The following SORL1-AS1 variants were observed in gnomAD, a reference collection of about 807,000 sequenced individuals.
SORL1-AS1 encodes lncRNA 51 A.
the SORL1-AS1 span, among the ~76,000 whole-genome samples, chr11:121,438,238 C>G: frequency 6.6e-6 from 1 of 152,142 alleles, no homozygotes; most frequent in African/African-American, 2.4e-5. Flanking sequence ...ATTAGTCTAG[C>G]TTAAATACTT....
chr11:121,451,672 T>A (rs2134755318), intron 1 of SORL1-AS1, among the ~76,000 whole-genome samples: 1 of 152,312 alleles, frequency 6.6e-6, no homozygotes, highest in African/African-American at 2.4e-5. Flanking sequence ...TGATCAAGGG[T>A]AGTTTTTGCT....
exon 2 of SORL1-AS1, chr11:121,447,618 A>T (rs936791790): frequency 1.1e-4 from 16 of 151,950 alleles, no homozygotes; most frequent in Admixed American, 9.2e-4. Context: ...TGTCTGAGGG[A>T]CCTTCTAAAA....
downstream of SORL1-AS1, among the ~76,000 whole-genome samples, chr11:121,442,780 G>A (rs1218041805): frequency 4.7e-5 from 7 of 150,056 alleles, no homozygotes; most frequent in South Asian, 2.1e-4. Flanking sequence ...CCAGGTTCAC[G>A]CCATTCTCCT....
In SORL1-AS1 at chr11:121,452,478, C is replaced by T. The variant is rs776738207; in HGVS notation, n.339+197G>A. On this transcript the variant is annotated intron_variant and non_coding_transcript_variant, in intron 1 of 1. Transcript: ENST00000501964. The surrounding 1 kb of genome is among the most constrained non-coding windows in gnomAD (Gnocchi z 5.3). ...CCTTGCCCCAGGACCGGGGCTTCCT[C>T]GTGGTGCAGGGCGACCCGCGCGAGC... The T allele has an allele frequency of 1.2e-5, 18 of 1,503,478 alleles. No homozygotes were observed. The highest frequency in any genetic ancestry group is 1.6e-5 in the Non-Finnish European group (18 of 1,127,592). 93.1% of individuals were successfully genotyped at this position (1,503,478 alleles called of 1,614,324 possible).
chr11:121,444,441 T>C (rs909873118), downstream of SORL1-AS1, among the ~76,000 whole-genome samples: 2 of 152,252 alleles, frequency 1.3e-5, no homozygotes, highest in African/African-American at 4.8e-5. Context: ...ACTTAGGCTC[T>C]GAGAAAGTAC....
Position 121,452,199 on chromosome 11 carries a change from G to T in SORL1-AS1, n.339+476C>A, listed in dbSNP as rs1414823107. The T allele has an allele frequency of 3.4e-5, 14 of 408,642 alleles. No individual in the cohort carries two copies. The highest frequency in any genetic ancestry group is 4.3e-5 in the Non-Finnish European group (13 of 299,938). The allele number at this position is 408,642 out of a possible 1,614,324, so 25.3% of individuals were successfully genotyped here. A position where few individuals can be genotyped will look rare whatever the true frequency, so the allele number is the denominator to read the frequency against. On this transcript the variant is annotated intron_variant and non_coding_transcript_variant, in intron 1 of 1. Transcript: ENST00000501964. This position sits in a 1 kb window ranked among gnomAD's most constrained non-coding sequence, Gnocchi z 5.3. ...CGGCAGCGGCGGCGGGCGCAGCGGG[G>T]CGGCCCGGAGCGGCGCGGGCGGCCT... is the stretch of plus-strand genomic sequence containing the variant.
downstream of SORL1-AS1, among the ~76,000 whole-genome samples, chr11:121,447,100 G>C (rs1231123811): frequency 6.6e-6 from 1 of 152,192 alleles, no homozygotes; most frequent in Non-Finnish European, 1.5e-5. Flanking sequence ...CCCAGGGAAA[G>C]AGGTAATTTC....
At chr11:121,442,772 A>G (rs1368578336), downstream of SORL1-AS1, among the ~76,000 whole-genome samples, 14 of 149,494 alleles carry the variant, frequency 9.4e-5, no homozygotes, top group Admixed American at 8.7e-4. Context: ...TCCGCCTCCC[A>G]GGTTCACGCC....
chr11:121,451,289 C>T (rs1389754124), intron 1 of SORL1-AS1, among the ~76,000 whole-genome samples: 1 of 152,222 alleles, frequency 6.6e-6, no homozygotes, highest in African/African-American at 2.4e-5. Context: ...CTTAGCAGTT[C>T]CATGGCAGAA....
At chr11:121,449,246 G>C (rs1036283733) in exon 2 of SORL1-AS1, 2 of 152,166 alleles carry the variant, frequency 1.3e-5, no homozygotes, top group Non-Finnish European at 2.9e-5. Flanking sequence ...TCATGATGCT[G>C]GGCAGCATCC....
In SORL1-AS1 at chr11:121,452,486, A is replaced by G. The variant is rs1034490486; in HGVS notation, n.339+189T>C. The G allele has an allele frequency of 1.3e-6, 2 of 1,491,360 alleles. No individual in the cohort carries two copies. Among genetic ancestry groups the G allele is most frequent in the African/African-American group, 1.5e-5 (1 of 68,578 alleles). The allele number at this position is 1,491,360 out of a possible 1,614,324, so 92.4% of individuals were successfully genotyped here. On this transcript the variant is annotated intron_variant and non_coding_transcript_variant, in intron 1 of 1. Transcript: ENST00000501964. This position sits in a 1 kb window ranked among gnomAD's most constrained non-coding sequence, Gnocchi z 5.3. ...CAGGACCGGGGCTTCCTCGTGGTGC[A>G]GGGCGACCCGCGCGAGCTGCGGCTG...
At chr11:121,438,678 T>G in the SORL1-AS1 span, among the ~76,000 whole-genome samples, 1 of 152,210 alleles carries the variant, frequency 6.6e-6, no homozygotes, top group Non-Finnish European at 1.5e-5. Context: ...AAATCTCAAT[T>G]TATCTCTTTA....
chr11:121,445,592 CCTT>C (rs1284751169), downstream of SORL1-AS1, among the ~76,000 whole-genome samples: 2 of 152,056 alleles, frequency 1.3e-5, no homozygotes, highest in East Asian at 1.9e-4. Context: ...AACCTTTCCT[CCTT>C]CTCCTCAGAC....
the SORL1-AS1 span, among the ~76,000 whole-genome samples, chr11:121,438,489 A>G: frequency 5.3e-5 from 8 of 151,888 alleles, no homozygotes; most frequent in Non-Finnish European, 1.2e-4. Context: ...TCTGATTTCT[A>G]TTTCCATAGA....
chr11:121,439,152 C>T, the SORL1-AS1 span, among the ~76,000 whole-genome samples: 4 of 152,126 alleles, frequency 2.6e-5, no homozygotes, highest in African/African-American at 7.2e-5. Flanking sequence ...GAGAAAATGC[C>T]AGTTTTCCAA....
chr11:121,446,210 C>T (rs80314101), downstream of SORL1-AS1, among the ~76,000 whole-genome samples: 3,097 of 152,272 alleles, frequency 0.02, 108 homozygotes, highest in African/African-American at 0.07. Flanking sequence ...GACTCCAAGA[C>T]ATCATTACAA....
the SORL1-AS1 span, among the ~76,000 whole-genome samples, chr11:121,441,306 G>A: frequency 5.4e-4 from 82 of 151,522 alleles, no homozygotes; most frequent in African/African-American, 1.9e-3. Flanking sequence ...GGCAGATCAC[G>A]AGGTCAGGAG....
rs1280729532 is a variant in SORL1-AS1, at chr11:121,452,672, C to CA, written n.339+2dup. On this transcript the variant is annotated splice_region_variant and intron_variant and non_coding_transcript_variant, in intron 1 of 1. Coordinates refer to ENST00000501964, the Ensembl canonical transcript of SORL1-AS1. This position sits in a 1 kb window ranked among gnomAD's most constrained non-coding sequence, Gnocchi z 5.3. The stretch of plus-strand genomic sequence containing the variant: ...GTTTTTTCCTCTCCCTGCACTTCCT[C>CA]ACCCCCGCATCCATCCGTTGCAGTC... 1 of 1,370,788 alleles carries CA rather than the reference C, an allele frequency of 7.3e-7. No homozygotes were observed. The highest frequency in any genetic ancestry group is 1.5e-5 in the African/African-American group (1 of 65,854). 84.9% of individuals were successfully genotyped at this position (1,370,788 alleles called of 1,614,324 possible). A position where few individuals can be genotyped will look rare whatever the true frequency, so the allele number is the denominator to read the frequency against.
At chr11:121,443,650 G>A (rs1214413381), downstream of SORL1-AS1, among the ~76,000 whole-genome samples, 1 of 152,242 alleles carries the variant, frequency 6.6e-6, no homozygotes, top group Non-Finnish European at 1.5e-5. Flanking sequence ...CTCTAAGTGT[G>A]ATTGGCACTT....
Sources: gnomAD v4.1 joint callset for allele counts (sites outside exome capture counted in the v4.1 genomes callset) on GRCh38, gnomAD v4.1.1 for gene constraint, Gnocchi (gnomAD v3.1) non-coding constraint, MANE v1.5 for transcripts, NCBI Gene and HGNC (gene_info 2026-07-23, HGNC 2026-07-21) for gene names.